FRMD4A: variants seen among roughly 807,000 people sequenced by gnomAD.
FRMD4A encodes the protein FERM domain-containing protein 4A.
A neutral mutation model predicts 129.1 loss-of-function variants in FRMD4A; 29 were observed. The observed-to-expected ratio is 0.22, with a 90% confidence interval of 0.17 to 0.31. The LOEUF (loss-of-function observed/expected upper bound fraction) is 0.31, where lower values mean the gene tolerates loss of function less well. Ranked by LOEUF, FRMD4A falls within the 10% of genes least tolerant of loss-of-function variation. The pLI is 1.00. For missense variants in FRMD4A, 1,272 were observed against 1,375.8 expected (o/e 0.92, Z 1.19); for synonymous variants, 634 against 571.6 (o/e 1.11, Z -1.56).
intron 2 of FRMD4A, among the ~76,000 whole-genome samples, chr10:14,118,543 C>T (rs1838320757): frequency 6.6e-6 from 1 of 152,130 alleles, no homozygotes; most frequent in Non-Finnish European, 1.5e-5. Flanking sequence ...TCTCACACTG[C>T]TAATAAAGGC....
intron 19 of FRMD4A, among the ~76,000 whole-genome samples, chr10:13,662,873 A>G (rs185062365): frequency 5.1e-4 from 78 of 152,278 alleles, no homozygotes; most frequent in African/African-American, 1.8e-3. Flanking sequence ...TGAATACTCA[A>G]AAGGAAGCTA....
At chr10:13,874,013 G>A (rs552155765) in intron 2 of FRMD4A, among the ~76,000 whole-genome samples, 18 of 151,316 alleles carry the variant, frequency 1.2e-4, no homozygotes, top group Middle Eastern at 3.4e-3. Context: ...TTGGGAGGCC[G>A]AGGCAGATGG....
At position 13,849,482 on chromosome 10, in the gene FRMD4A, ATTTTTT is replaced by A. The variant is rs143466300; in HGVS notation, c.111+9359_111+9364del. The stretch of plus-strand genomic sequence containing the variant: ...TACTTGGTAGAAAACAATCTCCTGC[ATTTTTT>A]TTTTTTTTTTGATACGGAGTTCGCT... On this transcript the variant is annotated intron_variant, in intron 3 of 24. Coordinates refer to ENST00000357447, the MANE Select transcript of FRMD4A (RefSeq NM_018027.5). 2.1e-5 allele frequency among the ~76,000 whole-genome samples: 3 copies of A among 141,800 alleles called. No homozygotes were observed. In the East Asian group the frequency reaches 6.3e-4, roughly 30 times the overall value. 93.0% of individuals were successfully genotyped at this position (141,800 alleles called of 152,430 possible). A position where few individuals can be genotyped will look rare whatever the true frequency, so the allele number is the denominator to read the frequency against.
At position 14,265,783 on chromosome 10, in the gene FRMD4A, C is replaced by T. The variant is rs189918396; in HGVS notation, c.45+64275G>A. Among the ~76,000 whole-genome samples, 9 of 152,298 alleles carry T rather than the reference C, an allele frequency of 5.9e-5. No homozygotes were observed. The East Asian group carries it at 1.7e-3, about 29-fold the overall frequency. The stretch of plus-strand genomic sequence containing the variant: ...ATTAAAATCCCAAATCAGTTCCTTC[C>T]AGAAGGGTCGGGAATGTGACTGCCC... On this transcript the variant is annotated intron_variant, in intron 2 of 24. Coordinates refer to ENST00000357447, the MANE Select transcript of FRMD4A (RefSeq NM_018027.5).
chr10:14,080,678 T>G (rs1190496248), intron 2 of FRMD4A, among the ~76,000 whole-genome samples: 1 of 151,792 alleles, frequency 6.6e-6, no homozygotes, highest in Non-Finnish European at 1.5e-5. Flanking sequence ...ATTTTGCAGA[T>G]GAGGAAACTG....
At chr10:14,092,191 TG>T (rs34427995) in intron 2 of FRMD4A, among the ~76,000 whole-genome samples, 68,818 of 151,564 alleles carry the variant, frequency 0.45, 15,912 homozygotes, top group East Asian at 0.69. Flanking sequence ...GCTCCCATAC[TG>T]AACCGGCTAC....
chr10:14,153,932 G>A (rs1589088403), intron 2 of FRMD4A, among the ~76,000 whole-genome samples: 2 of 152,158 alleles, frequency 1.3e-5, no homozygotes, highest in Non-Finnish European at 2.9e-5. Context: ...AGATGGCTCC[G>A]CCTCTGCCCT....
At chr10:14,258,519 G>A (rs916816532) in intron 2 of FRMD4A, among the ~76,000 whole-genome samples, 11 of 152,130 alleles carry the variant, frequency 7.2e-5, no homozygotes, top group African/African-American at 2.4e-4. Flanking sequence ...ACATCTATCC[G>A]AATTGTTAAA....
chr10:14,310,363 G>A (rs947871554), intron 2 of FRMD4A, among the ~76,000 whole-genome samples: 1 of 152,212 alleles, frequency 6.6e-6, no homozygotes, highest in Non-Finnish European at 1.5e-5. Flanking sequence ...TAGGCAGACA[G>A]TGAGGGTCAA....
At chr10:13,752,760 AGG>A (rs2091687388) in intron 8 of FRMD4A, among the ~76,000 whole-genome samples, 3 of 152,236 alleles carry the variant, frequency 2.0e-5, no homozygotes, top group Admixed American at 1.3e-4. Context: ...AGAGTGTTGC[AGG>A]TCCTTCATCC....
At chr10:13,709,445 C>A (rs1019307304) in intron 12 of FRMD4A, among the ~76,000 whole-genome samples, 2 of 152,168 alleles carry the variant, frequency 1.3e-5, no homozygotes, top group Non-Finnish European at 2.9e-5. Context: ...CTTACTTCTC[C>A]CAAATCCTTG....
At chr10:13,679,804 G>A (rs1012777859) in intron 15 of FRMD4A, among the ~76,000 whole-genome samples, 6 of 152,150 alleles carry the variant, frequency 3.9e-5, no homozygotes, top group South Asian at 2.1e-4. Context: ...CTGAGCCTGC[G>A]GGCTGCTACC....
intron 2 of FRMD4A, among the ~76,000 whole-genome samples, chr10:13,983,331 A>G (rs2095568913): frequency 6.6e-6 from 1 of 151,712 alleles, no homozygotes; most frequent in Admixed American, 6.6e-5. Flanking sequence ...CGTGAAATTG[A>G]CAAGCCAGGA....
At chr10:14,142,159 T>TTG (rs58782882) in intron 2 of FRMD4A, among the ~76,000 whole-genome samples, 8,182 of 152,126 alleles carry the variant, frequency 0.054, 702 homozygotes, top group African/African-American at 0.19. Context: ...AAGTTTTTTT[T>TTG]TTGTTGTTTT....
At chr10:13,750,065 G>GA (rs2091499951) in intron 8 of FRMD4A, among the ~76,000 whole-genome samples, 4 of 75,964 alleles carry the variant, frequency 5.3e-5, no homozygotes, top group East Asian at 8.2e-4. Flanking sequence ...AGGAAGGAAG[G>GA]AAGGAAGAAA....
chr10:14,139,176 A>C (rs568699750), intron 2 of FRMD4A, among the ~76,000 whole-genome samples: 117 of 152,328 alleles, frequency 7.7e-4, no homozygotes, highest in South Asian at 1.7e-3. Flanking sequence ...GAATGAAGCC[A>C]ATTATTTTTT....
At chr10:14,152,791 G>C (rs1431187790) in intron 2 of FRMD4A, among the ~76,000 whole-genome samples, 5 of 152,084 alleles carry the variant, frequency 3.3e-5, no homozygotes, top group South Asian at 2.1e-4. Context: ...TGTGAGCTAT[G>C]ATTGCACCAC....
intron 2 of FRMD4A, among the ~76,000 whole-genome samples, chr10:13,920,975 A>G (rs905775287): frequency 2.6e-5 from 4 of 152,132 alleles, no homozygotes; most frequent in Non-Finnish European, 4.4e-5. Flanking sequence ...TATCATCCCC[A>G]TTTTACAGAT....
At chr10:14,124,882 A>T (rs1156327962) in intron 2 of FRMD4A, among the ~76,000 whole-genome samples, 2 of 152,154 alleles carry the variant, frequency 1.3e-5, no homozygotes, top group African/African-American at 2.4e-5. Flanking sequence ...TTTCACCTCT[A>T]GCTGAGCCCT....
Sources: gnomAD v4.1 joint callset for allele counts (sites outside exome capture counted in the v4.1 genomes callset) on GRCh38, gnomAD v4.1.1 for gene constraint, MANE v1.5 for transcripts, NCBI Gene and HGNC (gene_info 2026-07-23, HGNC 2026-07-21) for gene names.